The following OTUD7A variants were observed in gnomAD, a reference collection of about 807,000 sequenced individuals.
OTUD7A encodes the protein OTU deubiquitinase 7A, also known as OTU domain-containing protein 7A.
OTUD7A carries 12 observed loss-of-function variants against 65.7 expected under a neutral mutation model. That is an observed-to-expected ratio of 0.18 (90% CI 0.12 to 0.30). OTUD7A has a LOEUF of 0.30. Ranked by LOEUF, OTUD7A falls within the 10% of genes least tolerant of loss-of-function variation. The probability of loss-of-function intolerance (pLI) is 1.00; values close to 1 mark genes in which losing one functional copy is unlikely to be tolerated. For missense variants in OTUD7A, 1,148 were observed against 1,304.8 expected (o/e 0.88, Z 1.85); for synonymous variants, 641 against 586.3 (o/e 1.09, Z -1.35).
intron 1 of OTUD7A, among the ~76,000 whole-genome samples, chr15:31,826,783 A>G (rs2140978636): frequency 6.6e-6 from 1 of 152,320 alleles, no homozygotes; most frequent in East Asian, 1.9e-4. Flanking sequence ...AACTTCTTCC[A>G]CCAAGTACCC....
At chr15:31,830,383 G>GA (rs1896900620) in intron 1 of OTUD7A, among the ~76,000 whole-genome samples, 1 of 152,164 alleles carries the variant, frequency 6.6e-6, no homozygotes, top group Non-Finnish European at 1.5e-5. Context: ...AGCATTTCAG[G>GA]ATGTTACAAT....
At chr15:31,797,628 C>T (rs1056757224) in intron 1 of OTUD7A, among the ~76,000 whole-genome samples, 1 of 152,212 alleles carries the variant, frequency 6.6e-6, no homozygotes, top group Non-Finnish European at 1.5e-5. Context: ...GTGACACCTG[C>T]AAATCGCATG....
At chr15:31,605,313 C>T (rs1890207584) in intron 3 of OTUD7A, among the ~76,000 whole-genome samples, 1 of 152,154 alleles carries the variant, frequency 6.6e-6, no homozygotes, top group African/African-American at 2.4e-5. Flanking sequence ...CCACAGACAT[C>T]AAGGACCCTG....
intron 1 of OTUD7A, among the ~76,000 whole-genome samples, chr15:31,777,532 G>GAC (rs1895417574): frequency 1.6e-3 from 1 of 620 alleles, no homozygotes; most frequent in Admixed American, 0.062. Flanking sequence ...AAAATGGAGG[G>GAC]GTCCTCCTTC....
At chr15:31,766,477 T>C (rs1013522798) in intron 1 of OTUD7A, 5 of 1,598,256 alleles carry the variant, frequency 3.1e-6, no homozygotes, top group African/African-American at 1.3e-5. Flanking sequence ...GAAAGTTCTA[T>C]TGTACTTTTG....
At chr15:31,647,347 T>C (rs1223158400) in intron 3 of OTUD7A, among the ~76,000 whole-genome samples, 2 of 152,236 alleles carry the variant, frequency 1.3e-5, no homozygotes, top group Admixed American at 6.5e-5. Flanking sequence ...CAGTGGCATG[T>C]GCTCAAGACT....
chr15:31,868,069 G>A (rs1897926594), intron 1 of OTUD7A, among the ~76,000 whole-genome samples: 1 of 152,206 alleles, frequency 6.6e-6, no homozygotes. Context: ...TCTTCCGTGG[G>A]CCTAAGGCAT....
At chr15:31,589,325 G>A (rs1425730290) in intron 3 of OTUD7A, among the ~76,000 whole-genome samples, 3 of 150,514 alleles carry the variant, frequency 2.0e-5, no homozygotes, top group Admixed American at 6.6e-5. Context: ...TTTGAGACAG[G>A]GTCTTACTCT....
chr15:31,668,813 T>C (rs886669372), intron 1 of OTUD7A, among the ~76,000 whole-genome samples: 3 of 152,180 alleles, frequency 2.0e-5, no homozygotes, highest in African/African-American at 7.2e-5. Flanking sequence ...CTGCAGGCTG[T>C]TGTTCAGATT....
At chr15:31,738,467 G>C (rs568526328) in intron 1 of OTUD7A, among the ~76,000 whole-genome samples, 9 of 152,316 alleles carry the variant, frequency 5.9e-5, no homozygotes, top group African/African-American at 1.9e-4. Context: ...AGGGAGATCA[G>C]TTGCCTGCAT....
chr15:31,648,766 A>T (rs1463021313), intron 3 of OTUD7A, among the ~76,000 whole-genome samples: 1 of 152,012 alleles, frequency 6.6e-6, no homozygotes, highest in East Asian at 1.9e-4. Flanking sequence ...TTATTTTATT[A>T]TTATTATGTT....
In OTUD7A at chr15:31,483,630, G is replaced by C; in HGVS notation, c.2466C>G (p.Ala822=). ...SSQSYSPARA[A]ALRTVNTVES... ...CGACCGTGTTGACGGTGCGCAGGGC[G>C]GCGGCGCGCGCCGGGCTGTAGCTCT... Residue 822 remains alanine (A), a synonymous_variant, in exon 13 of 13, where the codon GCC becomes GCG. Coordinates refer to ENST00000307050, the MANE Select transcript of OTUD7A (RefSeq NM_001382637.1). The C allele has an allele frequency of 4.2e-6, 5 of 1,182,042 alleles. No homozygotes were observed. Among genetic ancestry groups the C allele is most frequent in the Non-Finnish European group, 5.2e-6 (5 of 958,780 alleles). 73.2% of individuals were successfully genotyped at this position (1,182,042 alleles called of 1,614,324 possible).
In OTUD7A at chr15:31,484,621, G is replaced by A. The variant is rs755681800; in HGVS notation, c.1475C>T (p.Ser492Phe). The A allele has an allele frequency of 6.2e-7, 1 of 1,600,468 alleles. No homozygotes were observed. The highest frequency in any genetic ancestry group is 1.7e-5 in the Admixed American group (1 of 58,280). ...GCCGTTCTTGCCGTTATTGCTGTTAGAATTGCTGCACACCGAATCGCGGTC... is the reference window on the plus strand; with the variant it reads ...GCCGTTCTTGCCGTTATTGCTGTTAAAATTGCTGCACACCGAATCGCGGTC... ...DSDRDSVCSN[S>F]NSNNGKNGKD... The change falls in exon 13 of 13, where the codon TCT becomes TTT. Residue 492 changes from serine to phenylalanine, a missense_variant. Physicochemically the swap from Ser to Phe is radical, Grantham distance 155. Transcript: ENST00000307050. The surrounding 1 kb of genome is among the most constrained non-coding windows in gnomAD (Gnocchi z 4.5).
At chr15:31,813,788 A>G (rs556357758) in intron 1 of OTUD7A, among the ~76,000 whole-genome samples, 2 of 152,362 alleles carry the variant, frequency 1.3e-5, no homozygotes, top group South Asian at 4.1e-4. Context: ...TAGTTTTCAA[A>G]ATGTTTCTGT....
intron 1 of OTUD7A, among the ~76,000 whole-genome samples, chr15:31,798,452 T>C (rs1322494555): frequency 6.6e-6 from 1 of 152,108 alleles, no homozygotes; most frequent in Admixed American, 6.5e-5. Context: ...CCCATGCTCA[T>C]GGACAGAGGC....
intron 1 of OTUD7A, among the ~76,000 whole-genome samples, chr15:31,858,455 T>A (rs1459056206): frequency 6.6e-6 from 1 of 152,096 alleles, no homozygotes; most frequent in African/African-American, 2.4e-5. Context: ...GCCATGTACA[T>A]CTGCCAAATG....
At chr15:31,803,235 G>T (rs994846871) in intron 1 of OTUD7A, among the ~76,000 whole-genome samples, 1 of 152,128 alleles carries the variant, frequency 6.6e-6, no homozygotes, top group Non-Finnish European at 1.5e-5. Context: ...CACATTTCCA[G>T]GACACATTGC....
chr15:31,709,174 G>A lies in OTUD7A; in HGVS notation c.-99-52097C>T, dbSNP rs180947183. 1.7e-4 allele frequency among the ~76,000 whole-genome samples: 26 copies of A among 151,562 alleles called. 1 individual carries two copies. The highest frequency in any genetic ancestry group is 1.7e-3 in the Admixed American group (26 of 15,294). On this transcript the variant is annotated intron_variant, in intron 1 of 12. Coordinates refer to ENST00000307050, the MANE Select transcript of OTUD7A (RefSeq NM_001382637.1). The stretch of plus-strand genomic sequence containing the variant: ...TGAACAGGCCAGACCTCCTAGCTAC[G>A]CCTGCTAGAGCAAGGATGCTATGGC...
chr15:31,561,215 T>C (rs1466420671), intron 4 of OTUD7A, among the ~76,000 whole-genome samples: 6 of 151,866 alleles, frequency 4.0e-5, no homozygotes, highest in South Asian at 2.1e-4. Context: ...AGGGAGCACA[T>C]GGGCCCAGCT....
Sources: gnomAD v4.1 joint callset for allele counts (sites outside exome capture counted in the v4.1 genomes callset) on GRCh38, gnomAD v4.1.1 for gene constraint, Gnocchi (gnomAD v3.1) non-coding constraint, MANE v1.5 for transcripts, NCBI Gene and HGNC (gene_info 2026-07-23, HGNC 2026-07-21) for gene names.